CSMD1: variants seen among roughly 807,000 people sequenced by gnomAD.
CSMD1 encodes CUB and sushi domain-containing protein 1.
In CSMD1, 213 loss-of-function variants were observed where a neutral mutation model predicts 417.5. The observed-to-expected ratio is 0.51, with a 90% confidence interval of 0.46 to 0.57. CSMD1 has a LOEUF of 0.57. CSMD1 is among the 20% of genes least tolerant of loss of function. CSMD1 has a pLI of 0.00. For synonymous variants in CSMD1, 2,862 were observed against 1,736.8 expected, an observed-to-expected ratio of 1.65 and a Z score of -16.11; for missense variants, 6,923 against 4,529.7, an observed-to-expected ratio of 1.53 and a Z score of -15.17.
intron 3 of CSMD1, among the ~76,000 whole-genome samples, chr8:4,100,166 G>T (rs536106161): frequency 6.6e-6 from 1 of 152,162 alleles, no homozygotes; most frequent in East Asian, 1.9e-4. Context: ...GAGTAAAATG[G>T]GGCATATACT....
chr8:3,293,301 GTC>G (rs1258754739), intron 25 of CSMD1, among the ~76,000 whole-genome samples: 1 of 151,980 alleles, frequency 6.6e-6, no homozygotes, highest in African/African-American at 2.4e-5. Flanking sequence ...ACAATTATGT[GTC>G]TTTGAGTTGC....
chr8:3,923,302 T>G (rs1245213175), intron 5 of CSMD1, among the ~76,000 whole-genome samples: 1 of 152,164 alleles, frequency 6.6e-6, no homozygotes, highest in Non-Finnish European at 1.5e-5. Flanking sequence ...CTTCCCCATT[T>G]GGGGAGTTTA....
intron 5 of CSMD1, among the ~76,000 whole-genome samples, chr8:3,893,346 T>C (rs1481962413): frequency 7.8e-6 from 1 of 128,038 alleles, no homozygotes; most frequent in African/African-American, 2.7e-5. Flanking sequence ...ATTTTATATA[T>C]ATATATATAT....
chr8:4,706,962 G>C (rs184667899), intron 1 of CSMD1, among the ~76,000 whole-genome samples: 3 of 152,264 alleles, frequency 2.0e-5, no homozygotes, highest in East Asian at 1.9e-4. Context: ...GCAGAGGTTG[G>C]GGTTAGAGTG....
chr8:4,354,451 C>T (rs779967700), intron 3 of CSMD1, among the ~76,000 whole-genome samples: 12 of 152,038 alleles, frequency 7.9e-5, no homozygotes, highest in South Asian at 2.1e-4. Context: ...CAAACATCTG[C>T]GTTAGCTAAA....
chr8:2,977,008 G>C (rs544664338), intron 55 of CSMD1, among the ~76,000 whole-genome samples: 1 of 149,030 alleles, frequency 6.7e-6, no homozygotes, highest in South Asian at 2.1e-4. Flanking sequence ...CTGATTTAAA[G>C]ATTCAATTCA....
At position 4,443,631 on chromosome 8, in the gene CSMD1, A is replaced by G. The variant is rs1044802661; in HGVS notation, c.303-23566T>C. Among the ~76,000 whole-genome samples the G allele has an allele frequency of 5.1e-4, 78 of 152,236 alleles. 1 individual carries two copies. The highest frequency in any genetic ancestry group is 1.6e-4 in the Non-Finnish European group (11 of 68,042). ...ACTTCGCATTCAAAGAATGTACTGG[A>G]ACAGCCATGCCGTTGACGTGCAGTT... On this transcript the variant is annotated intron_variant, in intron 2 of 69. Coordinates refer to ENST00000635120, the MANE Select transcript of CSMD1 (RefSeq NM_033225.6).
chr8:3,734,380 T>C (rs1225097541), intron 6 of CSMD1, among the ~76,000 whole-genome samples: 1 of 152,204 alleles, frequency 6.6e-6, no homozygotes, highest in Non-Finnish European at 1.5e-5. Context: ...TGGATTTGCT[T>C]CTGCCTGGAA....
At chr8:3,324,540 A>C (rs149756) in intron 23 of CSMD1, among the ~76,000 whole-genome samples, 3 of 138,012 alleles carry the variant, frequency 2.2e-5, no homozygotes, top group Admixed American at 7.2e-5. Context: ...TCTTCCCCCC[A>C]CCATTCGTCA....
chr8:3,202,571 T>A (rs892803851), intron 31 of CSMD1, among the ~76,000 whole-genome samples: 1 of 152,218 alleles, frequency 6.6e-6, no homozygotes, highest in Admixed American at 6.5e-5. Context: ...ATTTGGTATA[T>A]ACTTACAAGC....
At chr8:3,821,940 T>C (rs1801759807) in intron 5 of CSMD1, among the ~76,000 whole-genome samples, 1 of 152,182 alleles carries the variant, frequency 6.6e-6, no homozygotes, top group Non-Finnish European at 1.5e-5. Flanking sequence ...GGAGAGGTTT[T>C]CCTACATTTC....
At chr8:4,074,048 G>C (rs978230432) in intron 3 of CSMD1, among the ~76,000 whole-genome samples, 2 of 151,950 alleles carry the variant, frequency 1.3e-5, no homozygotes, top group African/African-American at 2.4e-5. Context: ...TAGACATTTA[G>C]TTTTGTTATA....
At chr8:3,526,713 C>A (rs1006389117) in intron 10 of CSMD1, among the ~76,000 whole-genome samples, 3 of 152,206 alleles carry the variant, frequency 2.0e-5, no homozygotes, top group African/African-American at 7.2e-5. Flanking sequence ...ATTGTCACTT[C>A]CTAGCTGTAT....
At chr8:3,053,816 C>A (rs1393359325) in intron 49 of CSMD1, among the ~76,000 whole-genome samples, 1 of 152,126 alleles carries the variant, frequency 6.6e-6, no homozygotes, top group Non-Finnish European at 1.5e-5. Flanking sequence ...ACTTCAGCTG[C>A]ACTCATAAAA....
At chr8:4,620,246 T>G (rs1183659581) in intron 2 of CSMD1, among the ~76,000 whole-genome samples, 1 of 151,574 alleles carries the variant, frequency 6.6e-6, no homozygotes, top group African/African-American at 2.4e-5. Flanking sequence ...TAAATAAAAC[T>G]AAATAACAAT....
chr8:4,090,165 T>A (rs546526420), intron 3 of CSMD1, among the ~76,000 whole-genome samples: 16 of 152,338 alleles, frequency 1.1e-4, no homozygotes, highest in Non-Finnish European at 1.8e-4. Flanking sequence ...CTTGATACTG[T>A]TTTGAGTGTA....
At chr8:3,947,855 T>A (rs1811340499) in intron 5 of CSMD1, among the ~76,000 whole-genome samples, 1 of 152,200 alleles carries the variant, frequency 6.6e-6, no homozygotes, top group African/African-American at 2.4e-5. Flanking sequence ...TAACAAAACC[T>A]CCACAGCCTT....
intron 4 of CSMD1, among the ~76,000 whole-genome samples, chr8:4,028,388 G>T (rs867655986): frequency 1.3e-5 from 2 of 152,018 alleles, no homozygotes; most frequent in East Asian, 1.9e-4. Context: ...ACAGTAAGTG[G>T]ACAATACATA....
intron 5 of CSMD1, among the ~76,000 whole-genome samples, chr8:3,962,816 C>A (rs1446871141): frequency 1.3e-5 from 2 of 152,120 alleles, no homozygotes; most frequent in East Asian, 1.9e-4. Context: ...CAATAAGTTT[C>A]TTTTCACATT....
Sources: allele counts gnomAD v4.1 joint callset (sites outside exome capture counted in the v4.1 genomes callset), GRCh38; gene constraint gnomAD v4.1.1; transcripts MANE v1.5; gene names NCBI Gene and HGNC (gene_info 2026-07-23, HGNC 2026-07-21).